Variants in WSCD2 observed in about 807,000 individuals in gnomAD.
The protein encoded by WSCD2 is WSC domain sialate O sulfotransferase 2.
A neutral mutation model predicts 55.7 loss-of-function variants in WSCD2; 28 were observed. That is an observed-to-expected ratio of 0.50 (90% confidence interval 0.37 to 0.69). The LOEUF is 0.69. Among genes scored for constraint, WSCD2 ranks in the 30% least tolerant of loss-of-function variants. The pLI, the probability that WSCD2 is intolerant of heterozygous loss-of-function variation, is 0.00. For missense variants in WSCD2, 616 were observed against 762.1 expected (o/e 0.81, Z 2.26); for synonymous variants, 301 against 301.9 (o/e 1.00, Z 0.03).
chr12:108,172,827 C>T lies in WSCD2; in HGVS notation c.-551-22455C>T, dbSNP rs191400898. On this transcript the variant is annotated intron_variant, in intron 1 of 8. Coordinates refer to ENST00000547525, the MANE Select transcript of WSCD2 (RefSeq NM_014653.4). The stretch of plus-strand genomic sequence containing the variant: ...CCACCCAGTTTGCAGTAATTTGTTA[C>T]AGCAGCTTTAGGAAGCTAACACATC... 2.1e-3 allele frequency among the ~76,000 whole-genome samples: 325 copies of T among 152,316 alleles called. 1 individual carries two copies. The highest frequency in any genetic ancestry group is 7.2e-3 in the African/African-American group (298 of 41,560).
intron 2 of WSCD2, among the ~76,000 whole-genome samples, chr12:108,201,634 C>A (rs1180749236): frequency 6.6e-6 from 1 of 152,152 alleles, no homozygotes; most frequent in Non-Finnish European, 1.5e-5. Flanking sequence ...GAGGCTACTG[C>A]AGCATCATGT....
chr12:108,150,438 C>G (rs1877860160), intron 1 of WSCD2, among the ~76,000 whole-genome samples: 1 of 151,998 alleles, frequency 6.6e-6, no homozygotes, highest in Non-Finnish European at 1.5e-5. Flanking sequence ...AGGGTCTCTC[C>G]CAGGAAGAGG....
intron 1 of WSCD2, among the ~76,000 whole-genome samples, chr12:108,155,015 ATGT>A (rs998487809): frequency 4.6e-5 from 7 of 152,180 alleles, no homozygotes; most frequent in Non-Finnish European, 8.8e-5. Flanking sequence ...CTACGGGGTA[ATGT>A]TGTGGAAAGG....
At chr12:108,173,857 A>AGTGTGTGTGTGTGTGTGTGT (rs1880521352) in intron 1 of WSCD2, among the ~76,000 whole-genome samples, 1 of 99,500 alleles carries the variant, frequency 1.0e-5, no homozygotes, top group Non-Finnish European at 2.0e-5. Context: ...TGTGTGTGTC[A>AGTGTGTGTGTGTGTGTGTGT]GGGACTATCA....
intron 1 of WSCD2, among the ~76,000 whole-genome samples, chr12:108,194,984 A>G (rs1883718497): frequency 6.6e-6 from 1 of 152,158 alleles, no homozygotes; most frequent in Non-Finnish European, 1.5e-5. Context: ...GGAAGTATGG[A>G]GCAAAGCAAA....
Position 108,220,116 on chromosome 12 carries a change from A to C in WSCD2, c.683-4623A>C, listed in dbSNP as rs544284182. Among the ~76,000 whole-genome samples the C allele has an allele frequency of 8.6e-4, 131 of 152,310 alleles. 2 individuals are homozygous for C. Among genetic ancestry groups the C allele is most frequent in the African/African-American group, 2.9e-3 (120 of 41,572 alleles). On this transcript the variant is annotated intron_variant, in intron 4 of 8. Coordinates refer to ENST00000547525, the MANE Select transcript of WSCD2 (RefSeq NM_014653.4). ...AAAAGAGACAGCCCAGGACAGTGCA[A>C]ACTTGGAGTTCAGACATTCCTAGGT...
intron 1 of WSCD2, among the ~76,000 whole-genome samples, chr12:108,145,553 T>C (rs1877299864): frequency 6.6e-6 from 1 of 152,182 alleles, no homozygotes; most frequent in African/African-American, 2.4e-5. Context: ...GGAGTGTGAA[T>C]TGGTACAACT....
At chr12:108,147,474 TAGGGAACAGGGG>T (rs1877514038) in intron 1 of WSCD2, among the ~76,000 whole-genome samples, 1 of 152,156 alleles carries the variant, frequency 6.6e-6, no homozygotes, top group Admixed American at 6.5e-5. Flanking sequence ...GGCTGCTGTG[TAGGGAACAGGGG>T]AGGGATTGGC....
intron 1 of WSCD2, among the ~76,000 whole-genome samples, chr12:108,139,198 T>C (rs1401809025): frequency 6.6e-6 from 1 of 152,222 alleles, no homozygotes; most frequent in Non-Finnish European, 1.5e-5. Context: ...TCCTGGATCA[T>C]TCCTTAGGCA....
At chr12:108,137,137 A>C (rs1223162412) in intron 1 of WSCD2, among the ~76,000 whole-genome samples, 3 of 152,086 alleles carry the variant, frequency 2.0e-5, no homozygotes, top group African/African-American at 7.2e-5. Flanking sequence ...ATCTGTTTAC[A>C]CTCCAGTGTC....
intron 4 of WSCD2, among the ~76,000 whole-genome samples, chr12:108,214,982 A>G (rs189801681): frequency 6.6e-6 from 1 of 152,182 alleles, no homozygotes; most frequent in Non-Finnish European, 1.5e-5. Flanking sequence ...TACTGAGGGG[A>G]ACCCTCAGAT....
At chr12:108,176,801 GTTTTTTGTTTTTGT>G (rs1565936062) in intron 1 of WSCD2, among the ~76,000 whole-genome samples, 1 of 100,340 alleles carries the variant, frequency 1.0e-5, no homozygotes, top group Non-Finnish European at 2.4e-5. Flanking sequence ...ATTAGTTTTT[GTTTTTTGTTTTTGT>G]TTTTTTTTAT....
intron 1 of WSCD2, among the ~76,000 whole-genome samples, chr12:108,165,883 C>T (rs1367819203): frequency 6.6e-6 from 1 of 152,180 alleles, no homozygotes; most frequent in Non-Finnish European, 1.5e-5. Context: ...AGCCCGGCAC[C>T]ATTACCTGCC....
chr12:108,220,151 G>A (rs1024699638), intron 4 of WSCD2, among the ~76,000 whole-genome samples: 1 of 152,230 alleles, frequency 6.6e-6, no homozygotes, highest in Non-Finnish European at 1.5e-5. Flanking sequence ...TTGGAATCCA[G>A]ATACTGCCAC....
intron 1 of WSCD2, among the ~76,000 whole-genome samples, chr12:108,163,629 C>G (rs1185220091): frequency 6.6e-6 from 1 of 152,030 alleles, no homozygotes; most frequent in Non-Finnish European, 1.5e-5. Context: ...AAGAGGGAGG[C>G]AGGGAAGATC....
intron 4 of WSCD2, among the ~76,000 whole-genome samples, chr12:108,213,826 G>A (rs1485524371): frequency 6.6e-6 from 1 of 152,150 alleles, no homozygotes; most frequent in Non-Finnish European, 1.5e-5. Flanking sequence ...CTACAGTGTT[G>A]TAGACACCCT....
chr12:108,130,339 T>A (rs1246052792), intron 1 of WSCD2, among the ~76,000 whole-genome samples: 1 of 152,170 alleles, frequency 6.6e-6, no homozygotes, highest in Non-Finnish European at 1.5e-5. Flanking sequence ...TATTTCCAAG[T>A]TGGCTGTAGA....
At chr12:108,193,210 T>G (rs1454098435) in intron 1 of WSCD2, among the ~76,000 whole-genome samples, 1 of 152,240 alleles carries the variant, frequency 6.6e-6, no homozygotes, top group African/African-American at 2.4e-5. Context: ...ATGTATTAAC[T>G]GTCCAATAAA....
intron 2 of WSCD2, chr12:108,196,415 G>A (rs1883934159): frequency 1.2e-6 from 1 of 824,960 alleles, no homozygotes; most frequent in South Asian, 2.2e-5. Flanking sequence ...GCTTGCCCAA[G>A]GTCACACAGC....
Sources: gnomAD v4.1 joint callset for allele counts (sites outside exome capture counted in the v4.1 genomes callset) on GRCh38, gnomAD v4.1.1 for gene constraint, MANE v1.5 for transcripts, NCBI Gene and HGNC (gene_info 2026-07-23, HGNC 2026-07-21) for gene names.